The following PPP6R3 variants were observed in gnomAD, a reference collection of about 807,000 sequenced individuals.
PPP6R3 encodes the protein serine/threonine-protein phosphatase 6 regulatory subunit 3.
PPP6R3 carries 38 observed loss-of-function variants against 110.7 expected under a neutral mutation model. The ratio of observed to expected loss-of-function variants is 0.34; its 90% CI spans 0.26 to 0.45. PPP6R3 has a LOEUF of 0.45. Ranked by LOEUF, PPP6R3 falls within the 20% of genes least tolerant of loss-of-function variation. The pLI, the probability that PPP6R3 is intolerant of heterozygous loss-of-function variation, is 1.00. For missense variants in PPP6R3, 870 were observed against 1,062.4 expected (o/e 0.82, Z 2.52); for synonymous variants, 369 against 373.5 (o/e 0.99, Z 0.14).
intron 5 of PPP6R3, 121 bp from the exon 6 acceptor site, chr11:68,551,000 C>T: frequency 1.4e-6 from 1 of 706,698 alleles, no homozygotes; most frequent in Non-Finnish European, 2.3e-6. Context: ...TGTTCAAAGT[C>T]CAGAGAAACC....
Position 68,548,050 on chromosome 11 carries a change from G to C in PPP6R3, c.415-17G>C. 1 of 1,607,020 alleles carries C rather than the reference G, an allele frequency of 6.2e-7. No homozygotes were observed. Among genetic ancestry groups the C allele is most frequent in the African/African-American group, 1.3e-5 (1 of 74,570 alleles). On this transcript the variant is annotated splice_polypyrimidine_tract_variant and intron_variant, in intron 4 of 23. Transcript: ENST00000393800. ...CCAAGTTACATGTCTTTCAGTTTCT[G>C]ATCTGTTCTTCTCTAGATTGTGGAT...
chr11:68,607,446 A>C (rs1226606383), intron 22 of PPP6R3, among the ~76,000 whole-genome samples: 1 of 152,320 alleles, frequency 6.6e-6, no homozygotes, highest in East Asian at 1.9e-4. Context: ...TTAAAAGACA[A>C]TAAGAAAAAC....
intron 2 of PPP6R3, among the ~76,000 whole-genome samples, chr11:68,535,890 C>G (rs997620636): frequency 6.6e-6 from 1 of 151,568 alleles, no homozygotes; most frequent in Non-Finnish European, 1.5e-5. Context: ...TTACTTGAAC[C>G]TGGGAGGCAG....
At chr11:68,540,318 C>T (rs889652746) in intron 3 of PPP6R3, among the ~76,000 whole-genome samples, 1 of 152,136 alleles carries the variant, frequency 6.6e-6, no homozygotes, top group Non-Finnish European at 1.5e-5. Flanking sequence ...GGAGACATCA[C>T]ATGTCAGTAG....
intron 2 of PPP6R3, among the ~76,000 whole-genome samples, chr11:68,521,406 TTTTG>T (rs1047630399): frequency 2.0e-5 from 3 of 152,240 alleles, no homozygotes; most frequent in Non-Finnish European, 4.4e-5. Flanking sequence ...TCCTTGTTTA[TTTTG>T]TTTTTCTTTG....
chr11:68,591,764 C>G, intron 18 of PPP6R3, 58 bp downstream of exon 18: 1 of 1,539,868 alleles, frequency 6.5e-7, no homozygotes, highest in Non-Finnish European at 8.8e-7. Context: ...AAATGATTAT[C>G]ATGAGACATA....
chr11:68,511,780 CGT>C lies in PPP6R3; in HGVS notation c.-157-7696_-157-7695del, dbSNP rs143019841. ...ACAGGCATGAGCCACTGCGCCCAGC[CGT>C]GTGTGTGTGTGTGTGTGTGTGTGTT... On this transcript the variant is annotated intron_variant, in intron 1 of 23. Coordinates refer to ENST00000393800, the MANE Select transcript of PPP6R3 (RefSeq NM_001164161.2). Among the ~76,000 whole-genome samples the C allele has an allele frequency of 4.0e-3, 510 of 126,116 alleles. 1 individual carries two copies. Among genetic ancestry groups the C allele is most frequent in the African/African-American group, 0.011 (399 of 35,418 alleles). 82.7% of individuals were successfully genotyped at this position (126,116 alleles called of 152,430 possible).
chr11:68,532,746 G>C (rs2099248068), intron 2 of PPP6R3, among the ~76,000 whole-genome samples: 1 of 152,188 alleles, frequency 6.6e-6, no homozygotes, highest in Non-Finnish European at 1.5e-5. Context: ...TAACATGGTA[G>C]TGTCTGTTCA....
intron 7 of PPP6R3, among the ~76,000 whole-genome samples, chr11:68,556,009 T>C (rs1349084243): frequency 6.6e-6 from 1 of 152,244 alleles, no homozygotes; most frequent in Admixed American, 6.5e-5. Context: ...TTATTAATCA[T>C]AATAGCATCT....
At chr11:68,585,343 G>C (rs1311514269) in intron 15 of PPP6R3, among the ~76,000 whole-genome samples, 1 of 152,198 alleles carries the variant, frequency 6.6e-6, no homozygotes, top group African/African-American at 2.4e-5. Flanking sequence ...ATACGGGCTT[G>C]CTGGTAGGCA....
chr11:68,526,546 A>G (rs2099199248), intron 2 of PPP6R3, among the ~76,000 whole-genome samples: 1 of 152,176 alleles, frequency 6.6e-6, no homozygotes, highest in Non-Finnish European at 1.5e-5. Flanking sequence ...GGGCCTGGCT[A>G]ACGTTGGCTT....
At chr11:68,476,284 A>C (rs1442777118) in intron 1 of PPP6R3, among the ~76,000 whole-genome samples, 1 of 152,114 alleles carries the variant, frequency 6.6e-6, no homozygotes, top group Admixed American at 6.5e-5. Context: ...AACACAGCGA[A>C]ACCCCGTCTC....
At chr11:68,564,692 A>C (rs189113532) in intron 9 of PPP6R3, among the ~76,000 whole-genome samples, 1 of 152,368 alleles carries the variant, frequency 6.6e-6, no homozygotes, top group East Asian at 1.9e-4. Flanking sequence ...AAGAAAAAAG[A>C]ATTTTCTTCT....
At chr11:68,468,820 T>G (rs1392713168) in intron 1 of PPP6R3, among the ~76,000 whole-genome samples, 1 of 152,246 alleles carries the variant, frequency 6.6e-6, no homozygotes, top group Non-Finnish European at 1.5e-5. Context: ...GTAGAGATCA[T>G]AAATTTGAGG....
Position 68,551,199 on chromosome 11 carries a change from G to T in PPP6R3, c.618+13G>T. 6.3e-7 allele frequency: 1 copy of T among 1,591,134 alleles called. No homozygotes were observed. Among genetic ancestry groups the T allele is most frequent in the Non-Finnish European group, 8.6e-7 (1 of 1,163,470 alleles). Reference sequence around the variant, plus strand: ...GCAAGAAGAAGATGTAAGTTCACTTGTGTGACTGTAAACTTGATTAGAAAA... The same window carrying T: ...GCAAGAAGAAGATGTAAGTTCACTTTTGTGACTGTAAACTTGATTAGAAAA... On this transcript the variant is annotated intron_variant, in intron 6 of 23. Coordinates refer to ENST00000393800, the MANE Select transcript of PPP6R3 (RefSeq NM_001164161.2).
intron 1 of PPP6R3, among the ~76,000 whole-genome samples, chr11:68,473,118 A>G (rs2153274871): frequency 6.6e-6 from 1 of 152,312 alleles, no homozygotes; most frequent in Non-Finnish European, 1.5e-5. Context: ...TATGCGAATG[A>G]GTTGACTGAT....
At chr11:68,501,612 C>T (rs2099049336) in intron 1 of PPP6R3, among the ~76,000 whole-genome samples, 1 of 152,234 alleles carries the variant, frequency 6.6e-6, no homozygotes, top group Non-Finnish European at 1.5e-5. Context: ...CAGGCGTGAG[C>T]CACTGTGCCC....
At chr11:68,487,915 C>T (rs2098958623) in intron 1 of PPP6R3, among the ~76,000 whole-genome samples, 1 of 152,148 alleles carries the variant, frequency 6.6e-6, no homozygotes. Context: ...CATGTCCTTA[C>T]TGATTTTCTA....
At chr11:68,604,395 A>G (rs1408544105) in intron 22 of PPP6R3, among the ~76,000 whole-genome samples, 1 of 152,242 alleles carries the variant, frequency 6.6e-6, no homozygotes, top group Non-Finnish European at 1.5e-5. Context: ...CAGCCTAGGA[A>G]TAGAAAGTAA....
Sources: allele counts gnomAD v4.1 joint callset (sites outside exome capture counted in the v4.1 genomes callset), GRCh38; gene constraint gnomAD v4.1.1; transcripts MANE v1.5; gene names NCBI Gene and HGNC (gene_info 2026-07-23, HGNC 2026-07-21).